FAM53A: variants seen among roughly 807,000 people sequenced by gnomAD.
The protein encoded by FAM53A is protein FAM53A.
Under a neutral mutation model 26.6 loss-of-function variants are expected in FAM53A, and 28 were observed. The ratio of observed to expected loss-of-function variants is 1.05; its 90% CI spans 0.78 to 1.45. FAM53A has a LOEUF of 1.45. Ranked by LOEUF, FAM53A falls within the 40% of genes most tolerant of loss-of-function variation. The pLI is 0.00. For synonymous variants in FAM53A, 290 were observed against 253.1 expected (o/e 1.15, Z -1.38); for missense variants, 650 against 575.8 (o/e 1.13, Z -1.32).
chr4:1,633,313 T>C (rs993446722), intron 1 of FAM53A, among the ~76,000 whole-genome samples: 18 of 152,240 alleles, frequency 1.2e-4, no homozygotes, highest in Non-Finnish European at 2.5e-4. Flanking sequence ...GCCAGATGAT[T>C]TGAAAGTTTA....
intron 1 of FAM53A, chr4:1,683,341 A>C (rs1440279501): frequency 6.6e-6 from 1 of 152,224 alleles, no homozygotes. Context: ...AGGGTGTTTA[A>C]AGCAGCATCA....
rs377640326 is a variant in FAM53A at position 1,623,636 on chromosome 4, G to A, written c.432-5525C>T. Among the ~76,000 whole-genome samples the A allele has an allele frequency of 2.6e-4, 39 of 152,342 alleles. No individual in the cohort carries two copies. The East Asian group carries it at 3.7e-3, about 14-fold the overall frequency. ...GCCATCCGTCAGCAGACGGCCGCCC[G>A]CTCCGGAACACGGCGGCAGCTCATC... On this transcript the variant is annotated intron_variant, in intron 1 of 1. Coordinates refer to the FAM53A transcript ENST00000489029.
At chr4:1,586,750 T>G in the FAM53A span, among the ~76,000 whole-genome samples, 2 of 132,966 alleles carry the variant, frequency 1.5e-5, no homozygotes, top group African/African-American at 5.7e-5. Flanking sequence ...GCCACTGCAC[T>G]CCAGCCTGGG....
the FAM53A span, among the ~76,000 whole-genome samples, chr4:1,606,181 G>A: frequency 6.6e-6 from 1 of 151,920 alleles, no homozygotes; most frequent in East Asian, 1.9e-4. Context: ...TGGGACTACA[G>A]GCGCCTGCCA....
chr4:1,592,581 G>A, the FAM53A span, among the ~76,000 whole-genome samples: 3 of 152,126 alleles, frequency 2.0e-5, no homozygotes, highest in Non-Finnish European at 2.9e-5. Flanking sequence ...CCCGACACGC[G>A]GTTCTGCACC....
At chr4:1,583,401 G>A in the FAM53A span, among the ~76,000 whole-genome samples, 1 of 152,234 alleles carries the variant, frequency 6.6e-6, no homozygotes, top group Middle Eastern at 3.2e-3. Flanking sequence ...CAAAGTCACT[G>A]GTCAGAGGAG....
chr4:1,622,887 A>G (rs1715108091), intron 1 of FAM53A, among the ~76,000 whole-genome samples: 1 of 152,206 alleles, frequency 6.6e-6, no homozygotes, highest in Non-Finnish European at 1.5e-5. Flanking sequence ...AGTCAGCACC[A>G]AGGGGAAGGG....
intron 1 of FAM53A, among the ~76,000 whole-genome samples, chr4:1,633,650 C>G (rs1478073416): frequency 6.6e-6 from 1 of 151,952 alleles, no homozygotes; most frequent in Non-Finnish European, 1.5e-5. Flanking sequence ...GCCGGTTCTT[C>G]CCAATAAATA....
At chr4:1,623,165 G>A (rs534250063) in intron 1 of FAM53A, among the ~76,000 whole-genome samples, 7 of 152,298 alleles carry the variant, frequency 4.6e-5, no homozygotes, top group Non-Finnish European at 7.4e-5. Context: ...AGCAGTCCAC[G>A]GCCAGGGCCC....
At chr4:1,596,668 C>T in the FAM53A span, among the ~76,000 whole-genome samples, 1 of 152,196 alleles carries the variant, frequency 6.6e-6, no homozygotes, top group Admixed American at 6.5e-5. Flanking sequence ...CCGCCCGCCG[C>T]GGGCTGCTGT....
intron 1 of FAM53A, among the ~76,000 whole-genome samples, chr4:1,627,425 G>A (rs1246086936): frequency 1.3e-5 from 2 of 152,202 alleles, no homozygotes; most frequent in East Asian, 1.9e-4. Context: ...ACAGTCACTT[G>A]TATAACCACG....
chr4:1,619,341 C>G (rs1168277725), intron 1 of FAM53A, among the ~76,000 whole-genome samples: 3 of 152,208 alleles, frequency 2.0e-5, no homozygotes, highest in Non-Finnish European at 4.4e-5. Context: ...GACCCGGCCT[C>G]ACCAGGGCAG....
intron 1 of FAM53A, among the ~76,000 whole-genome samples, chr4:1,677,169 C>T (rs1715102232): frequency 6.6e-6 from 1 of 152,152 alleles, no homozygotes; most frequent in Non-Finnish European, 1.5e-5. Flanking sequence ...GTAAGAAGCC[C>T]ACTCCCAGGA....
chr4:1,632,423 G>A (rs1715648117), intron 1 of FAM53A, among the ~76,000 whole-genome samples: 1 of 152,126 alleles, frequency 6.6e-6, no homozygotes, highest in Admixed American at 6.5e-5. Context: ...CCAGCCTCCA[G>A]AACTGGGAGG....
At chr4:1,611,454 C>T in the FAM53A span, among the ~76,000 whole-genome samples, 19 of 152,330 alleles carry the variant, frequency 1.2e-4, no homozygotes, top group South Asian at 2.5e-3. Context: ...TCACCAGTCC[C>T]AGGGCAGGGA....
intron 2 of FAM53A, among the ~76,000 whole-genome samples, chr4:1,658,665 C>T (rs767983351): frequency 2.6e-4 from 39 of 152,226 alleles, no homozygotes; most frequent in Admixed American, 5.9e-4. Context: ...GGCTCTCTTC[C>T]CTACCCCATG....
the FAM53A span, among the ~76,000 whole-genome samples, chr4:1,584,155 T>G: frequency 1.0e-3 from 152 of 152,382 alleles, no homozygotes; most frequent in African/African-American, 3.4e-3. Context: ...TATCGAATTC[T>G]TTGTCAAACA....
chr4:1,642,976 A>G (rs1306217904), intron 4 of FAM53A, among the ~76,000 whole-genome samples: 2 of 152,188 alleles, frequency 1.3e-5, no homozygotes, highest in Admixed American at 6.5e-5. Context: ...ACCTAAAGTT[A>G]TGACCTAGAG....
At chr4:1,652,138 CCACACACACCACACGTCA>C (rs1305816970) in intron 4 of FAM53A, among the ~76,000 whole-genome samples, 1 of 135,752 alleles carries the variant, frequency 7.4e-6, no homozygotes, top group Non-Finnish European at 1.6e-5. Context: ...ACCTCATACA[CCACACACACCACACGTCA>C]CACACACACC....
Sources: gnomAD v4.1 joint callset for allele counts (sites outside exome capture counted in the v4.1 genomes callset) on GRCh38, gnomAD v4.1.1 for gene constraint, MANE v1.5 for transcripts, NCBI Gene and HGNC (gene_info 2026-07-23, HGNC 2026-07-21) for gene names.